The following SCD variants were observed in gnomAD, a reference collection of about 807,000 sequenced individuals.
SCD encodes the protein acyl-CoA desaturase.
A neutral mutation model predicts 35.7 loss-of-function variants in SCD; 4 were observed. That is an observed-to-expected ratio of 0.11 (90% CI 0.06 to 0.26). SCD has a LOEUF of 0.26. Ranked by LOEUF, SCD falls within the 10% of genes least tolerant of loss-of-function variation. The pLI, the probability that SCD is intolerant of heterozygous loss-of-function variation, is 1.00. For missense variants in SCD, 282 were observed against 460.7 expected (o/e 0.61, Z 3.55); for synonymous variants, 150 against 170.2 (o/e 0.88, Z 0.92).
At position 100,361,195 on chromosome 10, in the gene SCD, T is replaced by C; in HGVS notation, c.*262T>C. ...TTTCACTTTATTGCTATCGCCCTCC[T>C]TTCCCTTATTGCCTCCCAGGCAAGC... On this transcript the variant is annotated 3_prime_UTR_variant, in exon 6 of 6. Coordinates refer to ENST00000370355, the MANE Select transcript of SCD (RefSeq NM_005063.5). 2.4e-5 allele frequency: 11 copies of C among 450,420 alleles called. No homozygotes were observed. The highest frequency in any genetic ancestry group is 2.2e-4 in the South Asian group (9 of 40,542). 27.9% of individuals were successfully genotyped at this position (450,420 alleles called of 1,614,324 possible).
At chr10:100,359,752 T>G (rs1380461322) in intron 5 of SCD, among the ~76,000 whole-genome samples, 1 of 152,164 alleles carries the variant, frequency 6.6e-6, no homozygotes, top group Non-Finnish European at 1.5e-5. Flanking sequence ...AAATATTAGC[T>G]CTTAGTAGCT....
At chr10:100,355,885 A>C (rs1294926433) in intron 4 of SCD, among the ~76,000 whole-genome samples, 1 of 152,336 alleles carries the variant, frequency 6.6e-6, no homozygotes, top group East Asian at 1.9e-4. Context: ...GAGGGAAAAG[A>C]AGACCAAAGA....
chr10:100,361,615 G>T lies in SCD; in HGVS notation c.*682G>T, dbSNP rs1216335966. 6.6e-6 allele frequency: 1 copy of T among 152,208 alleles called. No homozygotes were observed. Among genetic ancestry groups the T allele is most frequent in the Non-Finnish European group, 1.5e-5 (1 of 68,066 alleles). The allele number at this position is 152,208 out of a possible 1,614,324, so 9.4% of individuals were successfully genotyped here. A position where few individuals can be genotyped will look rare whatever the true frequency, so the allele number is the denominator to read the frequency against. ...CATAGCATGCTTCCTTTCTCTCCTG[G>T]CTCGGGGTAAAAAGTGGCTGCGGTG... On this transcript the variant is annotated 3_prime_UTR_variant, in exon 6 of 6. Coordinates refer to ENST00000370355, the MANE Select transcript of SCD (RefSeq NM_005063.5).
At position 100,348,265 on chromosome 10, in the gene SCD, A is replaced by G. The variant is rs773457864; in HGVS notation, c.229A>G (p.Ile77Val). 3.1e-6 allele frequency: 5 copies of G among 1,614,016 alleles called. No homozygotes were observed. Among genetic ancestry groups the G allele is most frequent in the Non-Finnish European group, 4.2e-6 (5 of 1,180,036 alleles). The change falls in exon 2 of 6, where the codon ATC becomes GTC. Residue 77 changes from isoleucine to valine, a missense_variant. By Grantham distance (29) the Ile-to-Val change is conservative. This residue lies in a region of SCD where 205 missense variants were observed against 372.3 expected (regional missense o/e 0.55). Transcript: ENST00000370355. ...GGTTGAATATGTCTGGAGAAACATC[A>G]TCCTTATGTCTCTGCTACACTTGGG... ...PKVEYVWRNI[I>V]LMSLLHLGAL...
chr10:100,356,618 G>C lies in SCD; in HGVS notation c.734G>C (p.Ser245Thr). The C allele has an allele frequency of 6.2e-7, 1 of 1,614,238 alleles. No individual in the cohort carries two copies. Among genetic ancestry groups the C allele is most frequent in the South Asian group, 1.1e-5 (1 of 91,086 alleles). Residue 245 changes from serine (S) to threonine (T), a missense_variant, in exon 5 of 6, where the codon AGT (serine) becomes ACT (threonine). By Grantham distance (58) the Ser-to-Thr change is moderately conservative (BLOSUM62 1). Transcript: ENST00000370355. This position sits in a 1 kb window ranked among gnomAD's most constrained non-coding sequence, Gnocchi z 4.1. ...WYFWGETFQN[S>T]VFVATFLRYA... ...TTCTGGGGTGAAACTTTTCAAAACA[G>C]TGTGTTCGTTGCCACTTTCTTGCGA...
intron 5 of SCD, among the ~76,000 whole-genome samples, chr10:100,359,400 C>T (rs1849966005): frequency 6.6e-6 from 1 of 152,146 alleles, no homozygotes; most frequent in Admixed American, 6.5e-5. Flanking sequence ...GTTGCAAAGT[C>T]CTGTCTTCTT....
intron 5 of SCD, among the ~76,000 whole-genome samples, chr10:100,358,941 AT>A (rs1455328024): frequency 6.6e-6 from 1 of 152,086 alleles, no homozygotes; most frequent in Admixed American, 6.5e-5. Context: ...TATAATAAAA[AT>A]AAAAGCATTT....
intron 1 of SCD, 138 bp downstream of exon 1, chr10:100,347,669 G>C: frequency 1.1e-6 from 1 of 930,032 alleles, no homozygotes; most frequent in South Asian, 1.6e-5. Flanking sequence ...TGCCTTCCGT[G>C]AGTTGGGAAT....
At chr10:100,349,965 T>G (rs1849853749) in intron 2 of SCD, among the ~76,000 whole-genome samples, 1 of 152,086 alleles carries the variant, frequency 6.6e-6, no homozygotes, top group African/African-American at 2.4e-5. Flanking sequence ...CAGCACCCCC[T>G]GTAGGTTTCC....
chr10:100,360,691 C>A, intron 5 of SCD, 43 bp from the exon 6 acceptor site: 1 of 1,580,816 alleles, frequency 6.3e-7, no homozygotes, highest in Non-Finnish European at 8.7e-7. Context: ...ATCAAGAAAA[C>A]CTCAATGCAC....
intron 5 of SCD, 122 bp from the exon 6 acceptor site, chr10:100,360,612 T>A: frequency 1.3e-6 from 1 of 742,834 alleles, no homozygotes; most frequent in South Asian, 1.7e-5. Flanking sequence ...AGAGACTGAA[T>A]TCATCCATTC....
Position 100,361,144 on chromosome 10 carries a change from CT to C in SCD, c.*212del. The C allele has an allele frequency of 3.5e-6, 2 of 571,918 alleles. No individual in the cohort carries two copies. The highest frequency in any genetic ancestry group is 4.2e-5 in the South Asian group (2 of 47,488). The allele number at this position is 571,918 out of a possible 1,614,324, so 35.4% of individuals were successfully genotyped here. On this transcript the variant is annotated 3_prime_UTR_variant, in exon 6 of 6. Coordinates refer to ENST00000370355, the MANE Select transcript of SCD (RefSeq NM_005063.5). ...GATATTATTTCTTCTCTTATCCTCT[CT>C]CTCTTCTAGGCCCATTGTCCTCCTT...
intron 5 of SCD, among the ~76,000 whole-genome samples, chr10:100,357,395 T>C (rs1849939048): frequency 6.6e-6 from 1 of 152,198 alleles, no homozygotes; most frequent in Admixed American, 6.5e-5. Context: ...TTTAAGAGTG[T>C]GCCGTGCCTT....
At chr10:100,354,020 G>T (rs1342817605) in intron 3 of SCD, among the ~76,000 whole-genome samples, 4 of 152,232 alleles carry the variant, frequency 2.6e-5, no homozygotes, top group East Asian at 1.9e-4. Context: ...TACTGATTGA[G>T]ACCCTAGGAC....
At chr10:100,357,450 G>GT (rs1849939774) in intron 5 of SCD, among the ~76,000 whole-genome samples, 1 of 152,032 alleles carries the variant, frequency 6.6e-6, no homozygotes, top group African/African-American at 2.4e-5. Flanking sequence ...ATAACTGCTG[G>GT]TGGCCCTTTA....
chr10:100,354,763 T>C, intron 4 of SCD, 131 bp downstream of exon 4: 1 of 698,994 alleles, frequency 1.4e-6, no homozygotes, highest in East Asian at 2.7e-5. Context: ...CAATCTTAAT[T>C]TAAAATCCCA....
chr10:100,355,400 G>A (rs749554807), intron 4 of SCD, among the ~76,000 whole-genome samples: 1 of 152,178 alleles, frequency 6.6e-6, no homozygotes, highest in Non-Finnish European at 1.5e-5. Flanking sequence ...GCTAAAACAC[G>A]AAGCATGTTC....
intron 5 of SCD, among the ~76,000 whole-genome samples, chr10:100,359,697 T>C (rs1308288381): frequency 6.6e-6 from 1 of 152,222 alleles, no homozygotes; most frequent in Non-Finnish European, 1.5e-5. Flanking sequence ...TTCTGATTAA[T>C]GTCATGACTG....
Position 100,356,944 on chromosome 10 carries a change from A to G in SCD, c.880+180A>G, listed in dbSNP as rs1589699601. Among the ~76,000 whole-genome samples the G allele has an allele frequency of 6.6e-6, 1 of 152,268 alleles. No homozygotes were observed. Among genetic ancestry groups the G allele is most frequent in the African/African-American group, 2.4e-5 (1 of 41,468 alleles). On this transcript the variant is annotated intron_variant, in intron 5 of 5. Transcript: ENST00000370355. The surrounding 1 kb of genome is among the most constrained non-coding windows in gnomAD (Gnocchi z 4.1). ...TTTTGAGAGTCAGGCAACATGTTTT[A>G]TGTAAAAATGAAAGGATAAGAAACA...
Sources: gnomAD v4.1 joint callset for allele counts (sites outside exome capture counted in the v4.1 genomes callset) on GRCh38, gnomAD v4.1.1 for gene constraint, gnomAD v4.1.1 regional missense constraint, Gnocchi (gnomAD v3.1) non-coding constraint, MANE v1.5 for transcripts, NCBI Gene and HGNC (gene_info 2026-07-23, HGNC 2026-07-21) for gene names.